The following LINGO2 variants were observed in gnomAD, a reference collection of about 807,000 sequenced individuals.
LINGO2 encodes leucine-rich repeat and immunoglobulin-like domain-containing nogo receptor-interacting protein 2.
Under a neutral mutation model 30.6 loss-of-function variants are expected in LINGO2, and 14 were observed. The observed-to-expected ratio is 0.46, with a 90% CI of 0.30 to 0.72. The LOEUF (loss-of-function observed/expected upper bound fraction) is 0.72, where lower values mean the gene tolerates loss of function less well. Among genes scored for constraint, LINGO2 ranks in the 30% least tolerant of loss-of-function variants. The pLI is 0.07. For missense variants in LINGO2, 729 were observed against 751.7 expected, an observed-to-expected ratio of 0.97 and a Z score of 0.35; for synonymous variants, 317 against 288.5, an observed-to-expected ratio of 1.10 and a Z score of -1.00.
the LINGO2 span, among the ~76,000 whole-genome samples, chr9:29,002,777 C>T: frequency 6.6e-6 from 1 of 151,986 alleles, no homozygotes; most frequent in Admixed American, 6.6e-5. Flanking sequence ...CCATTTCAAT[C>T]TCCCCTCTTA....
At chr9:28,287,951 A>G (rs534769855) in intron 4 of LINGO2, among the ~76,000 whole-genome samples, 1 of 152,340 alleles carries the variant, frequency 6.6e-6, no homozygotes, top group African/African-American at 2.4e-5. Flanking sequence ...TTATTTAGTC[A>G]GCATTTAACA....
the LINGO2 span, among the ~76,000 whole-genome samples, chr9:28,739,924 A>AT: frequency 4.0e-4 from 58 of 146,184 alleles, 1 homozygote; most frequent in Middle Eastern, 7.4e-3. Context: ...ATAAATATAC[A>AT]TATATATATG....
the LINGO2 span, among the ~76,000 whole-genome samples, chr9:28,768,613 G>GACACACACACACACAC: frequency 2.1e-5 from 3 of 144,410 alleles, no homozygotes; most frequent in South Asian, 2.3e-4. Context: ...GACAGACTGG[G>GACACACACACACACAC]ACACACACAC....
intron 5 of LINGO2, among the ~76,000 whole-genome samples, chr9:27,974,974 T>C (rs1820527807): frequency 6.6e-6 from 1 of 152,092 alleles, no homozygotes; most frequent in Admixed American, 6.6e-5. Flanking sequence ...TTATCAAACC[T>C]GCCCCAGACA....
intron 3 of LINGO2, among the ~76,000 whole-genome samples, chr9:28,315,317 T>C (rs1377335894): frequency 6.6e-6 from 1 of 151,666 alleles, no homozygotes; most frequent in Non-Finnish European, 1.5e-5. Flanking sequence ...AGGCAGAGAA[T>C]TTCTTAACCC....
chr9:28,707,171 A>T, the LINGO2 span, among the ~76,000 whole-genome samples: 1 of 152,140 alleles, frequency 6.6e-6, no homozygotes, highest in Non-Finnish European at 1.5e-5. Flanking sequence ...AAGAGTGATA[A>T]ATAAATAATT....
intron 4 of LINGO2, among the ~76,000 whole-genome samples, chr9:28,246,971 G>A (rs147535801): frequency 1.2e-3 from 179 of 152,238 alleles, no homozygotes; most frequent in African/African-American, 3.9e-3. Context: ...CTTCTTTAAA[G>A]AAGAAATTTA....
chr9:28,907,612 T>C, the LINGO2 span, among the ~76,000 whole-genome samples: 1 of 151,686 alleles, frequency 6.6e-6, no homozygotes, highest in Non-Finnish European at 1.5e-5. Flanking sequence ...ATATACAAGA[T>C]GTATGATAGC....
intron 2 of LINGO2, among the ~76,000 whole-genome samples, chr9:28,466,849 C>G (rs1825325550): frequency 6.6e-6 from 1 of 152,106 alleles, no homozygotes; most frequent in Non-Finnish European, 1.5e-5. Flanking sequence ...ATAAAATTAT[C>G]CAGCTATCTC....
chr9:29,147,512 G>T, the LINGO2 span, among the ~76,000 whole-genome samples: 4 of 152,026 alleles, frequency 2.6e-5, no homozygotes, highest in Admixed American at 6.6e-5. Flanking sequence ...AAAGCAATGA[G>T]CTTTGATAAT....
chr9:28,866,293 C>T, the LINGO2 span, among the ~76,000 whole-genome samples: 1 of 151,908 alleles, frequency 6.6e-6, no homozygotes, highest in East Asian at 1.9e-4. Flanking sequence ...ATATTGAATG[C>T]TTTATTGTAT....
chr9:28,152,660 C>A (rs10812745), intron 4 of LINGO2, among the ~76,000 whole-genome samples: 6,604 of 152,150 alleles, frequency 0.043, 201 homozygotes, highest in East Asian at 0.19. Context: ...AATAGGACAA[C>A]TGGAAGCTTT....
chr9:29,000,784 A>G, the LINGO2 span, among the ~76,000 whole-genome samples: 1 of 152,054 alleles, frequency 6.6e-6, no homozygotes, highest in Admixed American at 6.6e-5. Flanking sequence ...TCAAATGAAT[A>G]ATTGTCCATT....
intron 5 of LINGO2, among the ~76,000 whole-genome samples, chr9:27,997,528 T>C (rs184411724): frequency 6.6e-6 from 1 of 152,286 alleles, no homozygotes; most frequent in Non-Finnish European, 1.5e-5. Flanking sequence ...TAACATATTT[T>C]TTCTAATGAA....
intron 1 of LINGO2, among the ~76,000 whole-genome samples, chr9:28,509,179 G>A (rs1221455319): frequency 6.6e-6 from 1 of 152,124 alleles, no homozygotes; most frequent in African/African-American, 2.4e-5. Flanking sequence ...CTCTATGAGT[G>A]AGACTGTAAT....
At chr9:28,032,959 C>T (rs1287166464) in intron 4 of LINGO2, among the ~76,000 whole-genome samples, 2 of 151,854 alleles carry the variant, frequency 1.3e-5, no homozygotes, top group Non-Finnish European at 2.9e-5. Flanking sequence ...TCCCAGTCAG[C>T]TTCATTCTTT....
At chr9:28,766,175 A>G in the LINGO2 span, among the ~76,000 whole-genome samples, 1 of 152,064 alleles carries the variant, frequency 6.6e-6, no homozygotes. Flanking sequence ...ATTTGGGAGA[A>G]AATATTTGCA....
chr9:28,439,924 G>T (rs1824122277), intron 2 of LINGO2, among the ~76,000 whole-genome samples: 1 of 152,100 alleles, frequency 6.6e-6, no homozygotes, highest in Non-Finnish European at 1.5e-5. Context: ...CCAGAGAGTG[G>T]CTTCTCTGAA....
At chr9:29,170,077 C>T in the LINGO2 span, among the ~76,000 whole-genome samples, 2 of 152,146 alleles carry the variant, frequency 1.3e-5, no homozygotes, top group African/African-American at 4.8e-5. Flanking sequence ...GACTAATATT[C>T]AATTCAGCAA....
Sources: allele counts gnomAD v4.1 joint callset (sites outside exome capture counted in the v4.1 genomes callset), GRCh38; gene constraint gnomAD v4.1.1; transcripts MANE v1.5; gene names NCBI Gene and HGNC (gene_info 2026-07-23, HGNC 2026-07-21).